RANBP2: variants seen among roughly 807,000 people sequenced by gnomAD.
RANBP2 encodes the protein E3 SUMO-protein ligase RanBP2.
Under a neutral mutation model 303.6 loss-of-function variants are expected in RANBP2, and 57 were observed. The observed-to-expected ratio is 0.19, with a 90% CI of 0.15 to 0.23. The LOEUF (loss-of-function observed/expected upper bound fraction) is 0.23, where lower values mean the gene tolerates loss of function less well. Among genes scored for constraint, RANBP2 ranks in the 10% least tolerant of loss-of-function variants. The pLI, the probability that RANBP2 is intolerant of heterozygous loss-of-function variation, is 1.00. For synonymous variants in RANBP2, 1,167 were observed against 1,301.5 expected (o/e 0.90, Z 2.23); for missense variants, 3,138 against 3,780.8 (o/e 0.83, Z 4.46).
Position 108,763,967 on chromosome 2 carries a change from G to T in RANBP2, c.3428G>T (p.Gly1143Val). ...CATGGTCCAGGGAAATCAGTATTTG[G>T]AACACCCACTTTAGAGACAGCAAAC... Reference protein sequence around the residue: ...TFHGPGKSVFGTPTLETANKN... With the variant: ...TFHGPGKSVFVTPTLETANKN... The change falls in exon 20 of 29, where the codon GGA (glycine) becomes GTA (valine). Residue 1143 changes from glycine (G) to valine (V), a missense_variant. By Grantham distance (109) the Gly-to-Val change is moderately radical. This residue lies in a region of RANBP2 where 403 missense variants were observed against 376.7 expected (regional missense o/e 1.07). Transcript: ENST00000283195. 6.2e-7 allele frequency: 1 copy of T among 1,613,910 alleles called. No homozygotes were observed. The highest frequency in any genetic ancestry group is 1.1e-5 in the South Asian group (1 of 91,072).
At chr2:109,513,717 AGGG>A in the RANBP2 span, among the ~76,000 whole-genome samples, 1 of 152,214 alleles carries the variant, frequency 6.6e-6, no homozygotes, top group African/African-American at 2.4e-5. Context: ...CAAGGGAAGG[AGGG>A]AGGTGGGTGC....
At chr2:109,517,635 T>C in the RANBP2 span, among the ~76,000 whole-genome samples, 1 of 152,222 alleles carries the variant, frequency 6.6e-6, no homozygotes, top group Non-Finnish European at 1.5e-5. Context: ...GCTCCACGCC[T>C]GCAGACCCCA....
At chr2:109,478,988 G>A in the RANBP2 span, among the ~76,000 whole-genome samples, 1 of 152,314 alleles carries the variant, frequency 6.6e-6, no homozygotes, top group Admixed American at 6.5e-5. Context: ...TGCAGGTTTC[G>A]AGATTTGCTG....
the RANBP2 span, chr2:108,929,159 G>C: frequency 2.5e-6 from 4 of 1,612,656 alleles, no homozygotes; most frequent in African/African-American, 5.3e-5. Flanking sequence ...GTTTTCTGCA[G>C]AAAGCATGCC....
At chr2:108,775,603 A>G (rs942291226) in intron 23 of RANBP2, 129 bp from the exon 24 acceptor site, 61 of 868,296 alleles carry the variant, frequency 7.0e-5, no homozygotes, top group Non-Finnish European at 1.1e-4. Flanking sequence ...GAGGAGAGAT[A>G]GGGTGAAGTG....
chr2:109,645,915 A>C, the RANBP2 span, among the ~76,000 whole-genome samples: 1 of 152,120 alleles, frequency 6.6e-6, no homozygotes, highest in Non-Finnish European at 1.5e-5. Context: ...CTATGCTCGG[A>C]GTGTAGACAA....
At chr2:109,243,248 C>T in the RANBP2 span, among the ~76,000 whole-genome samples, 1 of 152,244 alleles carries the variant, frequency 6.6e-6, no homozygotes, top group African/African-American at 2.4e-5. Flanking sequence ...GACCCATCAG[C>T]AACTGCCAGT....
chr2:108,728,617 A>T (rs1174870519), intron 1 of RANBP2, among the ~76,000 whole-genome samples: 1 of 149,886 alleles, frequency 6.7e-6, no homozygotes, highest in Admixed American at 6.6e-5. Context: ...GATGATGATG[A>T]TGATGATGAT....
the RANBP2 span, among the ~76,000 whole-genome samples, chr2:108,900,399 T>C: frequency 6.6e-6 from 1 of 151,736 alleles, no homozygotes; most frequent in Non-Finnish European, 1.5e-5. Flanking sequence ...CTACTAAATA[T>C]ACAAAATTAG....
the RANBP2 span, among the ~76,000 whole-genome samples, chr2:109,708,206 A>C: frequency 6.6e-6 from 1 of 152,062 alleles, no homozygotes; most frequent in Non-Finnish European, 1.5e-5. Context: ...AAAAATCAAA[A>C]ATTTTTTTAG....
chr2:109,102,437 A>C, the RANBP2 span, among the ~76,000 whole-genome samples: 1 of 152,100 alleles, frequency 6.6e-6, no homozygotes, highest in Non-Finnish European at 1.5e-5. Context: ...GCTTCAAAAA[A>C]AAAAAAATGA....
At chr2:109,552,915 A>T in the RANBP2 span, 1 of 718,884 alleles carries the variant, frequency 1.4e-6, no homozygotes, top group Non-Finnish European at 2.2e-6. Context: ...GTTTTCATTT[A>T]ATTTCAGGCT....
At chr2:108,978,535 C>A in the RANBP2 span, among the ~76,000 whole-genome samples, 1 of 152,154 alleles carries the variant, frequency 6.6e-6, no homozygotes, top group Non-Finnish European at 1.5e-5. Context: ...ACATGCAGAT[C>A]CTCCCAAGGA....
chr2:109,445,095 G>A, the RANBP2 span, among the ~76,000 whole-genome samples: 1 of 152,302 alleles, frequency 6.6e-6, no homozygotes, highest in Admixed American at 6.5e-5. Context: ...AGTTGAAAGT[G>A]GAATTAGTGA....
the RANBP2 span, among the ~76,000 whole-genome samples, chr2:109,683,128 C>T: frequency 1.3e-5 from 2 of 152,194 alleles, no homozygotes; most frequent in African/African-American, 2.4e-5. Context: ...GCCTCACCCT[C>T]CCAAGTAGCT....
the RANBP2 span, among the ~76,000 whole-genome samples, chr2:109,199,643 G>GTTCC: frequency 0.1 from 2 of 20 alleles, 1 homozygote; most frequent in Non-Finnish European, 0.25. Context: ...GGAATGGAAT[G>GTTCC]GAATGGAATG....
rs764602455 is a variant in RANBP2 at position 108,749,181 on chromosome 2, G to A, written c.1273+52G>A. 2.5e-6 allele frequency: 4 copies of A among 1,610,874 alleles called. No homozygotes were observed. The East Asian group carries it at 6.7e-5, about 27-fold the overall frequency. ...GTCTCCGTCTTAATTCTTATAAATT[G>A]CCCATAATCTTATTACCCAGAAATA... On this transcript the variant is annotated intron_variant, in intron 9 of 28. Transcript: ENST00000283195.
At chr2:109,068,359 C>T in the RANBP2 span, among the ~76,000 whole-genome samples, 1 of 152,162 alleles carries the variant, frequency 6.6e-6, no homozygotes, top group Non-Finnish European at 1.5e-5. Context: ...CCGAAGAACC[C>T]CCACCCCAGA....
chr2:109,129,873 C>T, the RANBP2 span: 15 of 1,523,608 alleles, frequency 9.8e-6, no homozygotes, highest in African/African-American at 2.8e-5. Flanking sequence ...TGCCCGCCAA[C>T]ATCTTGCTGG....
Sources: gnomAD v4.1 joint callset for allele counts (sites outside exome capture counted in the v4.1 genomes callset) on GRCh38, gnomAD v4.1.1 for gene constraint, gnomAD v4.1.1 regional missense constraint, MANE v1.5 for transcripts, NCBI Gene and HGNC (gene_info 2026-07-23, HGNC 2026-07-21) for gene names.